The following MYH11 variants were observed in gnomAD, a reference collection of about 807,000 sequenced individuals.
MYH11 encodes the protein myosin-11.
In MYH11, 80 loss-of-function variants were observed where a neutral mutation model predicts 246.6. The ratio of observed to expected loss-of-function variants is 0.32; its 90% CI spans 0.27 to 0.39. The LOEUF (loss-of-function observed/expected upper bound fraction) is 0.39, where lower values mean the gene tolerates loss of function less well. Among genes scored for constraint, MYH11 ranks in the 10% least tolerant of loss-of-function variants. MYH11 has a pLI of 1.00. For missense variants in MYH11, 2,158 were observed against 2,546.8 expected (o/e 0.85, Z 3.29); for synonymous variants, 1,071 against 1,015.5 (o/e 1.05, Z -1.04).
At chr16:15,828,169 GA>G (rs1481544221) in intron 2 of MYH11, among the ~76,000 whole-genome samples, 3 of 152,154 alleles carry the variant, frequency 2.0e-5, no homozygotes, top group Non-Finnish European at 4.4e-5. Flanking sequence ...TAACCTCTCT[GA>G]GTCTCACTTA....
chr16:15,780,915 C>A (rs1297084856), intron 6 of MYH11, among the ~76,000 whole-genome samples: 5 of 152,176 alleles, frequency 3.3e-5, no homozygotes, highest in Admixed American at 6.5e-5. Flanking sequence ...AGTCAGTTGC[C>A]ATTCTGGAAA....
Position 15,759,619 on chromosome 16 carries a change from G to A in MYH11, c.1358C>T (p.Ser453Phe). The A allele has an allele frequency of 6.2e-7, 1 of 1,614,182 alleles. No individual in the cohort carries two copies. Among genetic ancestry groups the A allele is most frequent in the Non-Finnish European group, 8.5e-7 (1 of 1,180,042 alleles). ...AGCTATATCCAGGATCCCCAGGAAG[G>A]AAGCCCCTTGCCGATGGGTCTTGTC... is the stretch of plus-strand genomic sequence containing the variant. ...ALDKTHRQGA[S>F]FLGILDIAGF... is the part of the protein sequence containing the mutation. The change falls in exon 12 of 41, where the codon TCC becomes TTC. Residue 453 changes from serine to phenylalanine, a missense_variant. Transcript: ENST00000300036.
chr16:15,788,077 C>CTTTTTTTTTTTTTTTTTTTTTTT lies in MYH11; in HGVS notation c.531-1346_531-1345insAAAAAAAAAAAAAAAAAAAAAAA, dbSNP rs1555569336. 4.9e-3 allele frequency among the ~76,000 whole-genome samples: 272 copies of CTTTTTTTTTTTTTTTTTTTTTTT among 55,350 alleles called. 47 individuals carry two copies. The highest frequency in any genetic ancestry group is 9.8e-3 in the African/African-American group (158 of 16,176). The allele number at this position is 55,350 out of a possible 152,430, so 36.3% of individuals were successfully genotyped here. ...GTCCTCCTGGAATATGAAGGTAGAT[C>CTTTTTTTTTTTTTTTTTTTTTTT]TTTTTTTTTTTTTTTTTTACCAAGA... On this transcript the variant is annotated intron_variant, in intron 4 of 40. Coordinates refer to ENST00000300036, the MANE Select transcript of MYH11 (RefSeq NM_002474.3).
intron 2 of MYH11, among the ~76,000 whole-genome samples, chr16:15,830,584 A>G (rs2043708014): frequency 6.6e-6 from 1 of 152,022 alleles, no homozygotes; most frequent in African/African-American, 2.4e-5. Flanking sequence ...ATGTGTATAA[A>G]ACATCACTGG....
chr16:15,720,847 G>T lies in MYH11; in HGVS notation c.4783C>A (p.Gln1595Lys). Residue 1595 changes from glutamine (Q) to lysine (K), a missense_variant, in exon 33 of 41, where the codon CAG becomes AAG. Around this residue, in one of 11 missense-constraint regions of MYH11, gnomAD observed 1,013 missense variants for 993.5 expected, o/e 1.02. Coordinates refer to ENST00000300036, the MANE Select transcript of MYH11 (RefSeq NM_002474.3). ...TCCCCGGCAGCACGCACCTGTCTCTGCAGTTGCCTCCTCTTCTCCTCATTC... is the reference window on the plus strand; with the variant it reads ...TCCCCGGCAGCACGCACCTGTCTCTTCAGTTGCCTCCTCTTCTCCTCATTC... ...EQNEEKRRQL[Q>K]RQLHEYETEL... 1 of 1,613,548 alleles carries T rather than the reference G, an allele frequency of 6.2e-7. No homozygotes were observed.
intron 40 of MYH11, among the ~76,000 whole-genome samples, chr16:15,709,273 G>A (rs1382928988): frequency 6.6e-6 from 1 of 151,898 alleles, no homozygotes; most frequent in Non-Finnish European, 1.5e-5. Flanking sequence ...AGTCAACGTT[G>A]CAGTGAATCA....
chr16:15,711,833 C>T (rs1440249795), intron 40 of MYH11, among the ~76,000 whole-genome samples: 1 of 152,136 alleles, frequency 6.6e-6, no homozygotes, highest in Non-Finnish European at 1.5e-5. Context: ...GCTGGGATTA[C>T]AGGCACGCCC....
intron 3 of MYH11, among the ~76,000 whole-genome samples, chr16:15,810,047 T>G (rs111818100): frequency 0.019 from 2,853 of 151,498 alleles, 94 homozygotes; most frequent in African/African-American, 0.066. Context: ...TTTTGTTTTT[T>G]TTTGAGACGG....
intron 3 of MYH11, among the ~76,000 whole-genome samples, chr16:15,807,481 G>A (rs2151332871): frequency 6.6e-6 from 1 of 152,176 alleles, no homozygotes; most frequent in African/African-American, 2.4e-5. Flanking sequence ...TCACGGCAGA[G>A]GTGACCACTG....
chr16:15,707,132 A>G (rs1291267787), intron 40 of MYH11, among the ~76,000 whole-genome samples: 2 of 152,092 alleles, frequency 1.3e-5, no homozygotes, highest in African/African-American at 4.8e-5. Flanking sequence ...TCTGCCTCCC[A>G]GGTTCAAGCG....
intron 27 of MYH11, among the ~76,000 whole-genome samples, chr16:15,727,877 G>A (rs917023217): frequency 1.3e-3 from 195 of 152,222 alleles, no homozygotes; most frequent in African/African-American, 4.6e-3. Flanking sequence ...GGAGGCGGAT[G>A]GCAGGCTTGC....
Position 15,750,679 on chromosome 16 carries a change from G to GT in MYH11, c.1865-349dup, listed in dbSNP as rs1242917954. ...ATACCGTCTACCTTCTAGGGCAGGG[G>GT]TAAAAAAAAATAAGGCACAGAAGGC... On this transcript the variant is annotated intron_variant, in intron 15 of 40. Transcript: ENST00000300036. The surrounding 1 kb of genome is among the most constrained non-coding windows in gnomAD (Gnocchi z 4.3). 2.6e-5 allele frequency among the ~76,000 whole-genome samples: 4 copies of GT among 151,818 alleles called. No individual in the cohort carries two copies. Among genetic ancestry groups the GT allele is most frequent in the Non-Finnish European group, 5.9e-5 (4 of 67,980 alleles).
chr16:15,721,675 G>A (rs770821419), intron 31 of MYH11, 41 bp from the exon 32 acceptor site: 2 of 1,606,104 alleles, frequency 1.2e-6, no homozygotes, highest in Non-Finnish European at 1.7e-6. Context: ...GGCATATCCG[G>A]GGTCAGCGTC....
rs545733842 is a variant in MYH11 at position 15,717,459 on chromosome 16, G to A, written c.5296-111C>T. 1.1e-4 allele frequency: 124 copies of A among 1,116,628 alleles called. No homozygotes were observed. In the South Asian group the frequency reaches 1.5e-3, roughly 13 times the overall value. The allele number at this position is 1,116,628 out of a possible 1,614,324, so 69.2% of individuals were successfully genotyped here. ...GCCTCTGCACGAGTCCCTTGATCCC[G>A]GGCACCCTGTCCTCTCCTTCATCCT... On this transcript the variant is annotated intron_variant, in intron 37 of 40. Transcript: ENST00000300036.
At chr16:15,775,397 G>C (rs972891036) in intron 8 of MYH11, among the ~76,000 whole-genome samples, 1 of 150,836 alleles carries the variant, frequency 6.6e-6, no homozygotes, top group African/African-American at 2.5e-5. Flanking sequence ...ATTGGTTTAT[G>C]TACTGCCTGT....
chr16:15,744,755 G>A (rs534540317), intron 20 of MYH11, among the ~76,000 whole-genome samples: 19 of 152,278 alleles, frequency 1.2e-4, no homozygotes, highest in African/African-American at 1.9e-4. Context: ...CGCCTGCCTC[G>A]GCCTCCCAAA....
intron 3 of MYH11, among the ~76,000 whole-genome samples, chr16:15,801,656 A>G (rs559652229): frequency 6.6e-6 from 1 of 151,696 alleles, no homozygotes; most frequent in African/African-American, 2.4e-5. Flanking sequence ...GTGAGACCCT[A>G]TCTCTAAAAA....
chr16:15,709,928 G>A (rs1006760521), intron 40 of MYH11, among the ~76,000 whole-genome samples: 1 of 152,154 alleles, frequency 6.6e-6, no homozygotes, highest in African/African-American at 2.4e-5. Context: ...TCTGGCTTTA[G>A]AGAGGGCTTG....
intron 1 of MYH11, among the ~76,000 whole-genome samples, chr16:15,852,707 A>G (rs948225974): frequency 6.6e-6 from 1 of 152,084 alleles, no homozygotes; most frequent in African/African-American, 2.4e-5. Context: ...TAACTCAGCA[A>G]GCGCATTTCT....
Sources: allele counts gnomAD v4.1 joint callset (sites outside exome capture counted in the v4.1 genomes callset), GRCh38; gene constraint gnomAD v4.1.1; regional missense constraint gnomAD v4.1.1; non-coding constraint Gnocchi (gnomAD v3.1); transcripts MANE v1.5; gene names NCBI Gene and HGNC (gene_info 2026-07-23, HGNC 2026-07-21).